POU2F1: variants seen among roughly 807,000 people sequenced by gnomAD.
POU2F1 encodes POU domain, class 2, transcription factor 1.
A neutral mutation model predicts 84.9 loss-of-function variants in POU2F1; 16 were observed. That is an observed-to-expected ratio of 0.19 (90% CI 0.13 to 0.29). POU2F1 has a LOEUF of 0.29. Among genes scored for constraint, POU2F1 ranks in the 10% least tolerant of loss-of-function variants. The pLI is 1.00. For synonymous variants in POU2F1, 368 were observed against 368.3 expected (o/e 1.00, Z 0.01); for missense variants, 738 against 942.6 (o/e 0.78, Z 2.84).
chr1:167,311,507 T>C (rs1004096208), intron 1 of POU2F1, among the ~76,000 whole-genome samples: 8 of 152,170 alleles, frequency 5.3e-5, no homozygotes, highest in African/African-American at 1.9e-4. Context: ...TCATGTTCCA[T>C]ATAACAATGT....
At chr1:167,346,854 CTTTCTGTGGTTTTG>C (rs1658236863) in intron 2 of POU2F1, among the ~76,000 whole-genome samples, 1 of 152,192 alleles carries the variant, frequency 6.6e-6, no homozygotes, top group Non-Finnish European at 1.5e-5. Flanking sequence ...GGCTTAGAAT[CTTTCTGTGGTTTTG>C]TTTCTGTGAT....
chr1:167,336,528 C>A (rs1017193625), intron 2 of POU2F1, among the ~76,000 whole-genome samples: 1 of 152,020 alleles, frequency 6.6e-6, no homozygotes, highest in African/African-American at 2.4e-5. Context: ...AGAGGCAAGT[C>A]ATAATGTTAT....
chr1:167,340,322 C>T lies in POU2F1; in HGVS notation c.127+7787C>T, dbSNP rs373382695. On this transcript the variant is annotated intron_variant, in intron 2 of 15. Coordinates refer to ENST00000367866, the MANE Select transcript of POU2F1 (RefSeq NM_002697.4). ...CTCGAACTCCTGACCTCAGGTGATCCGCCCACCTTGGCTTCCCAAAGTGCT... is the reference window on the plus strand; with the variant it reads ...CTCGAACTCCTGACCTCAGGTGATCTGCCCACCTTGGCTTCCCAAAGTGCT... Among the ~76,000 whole-genome samples, 123 of 152,192 alleles carry T rather than the reference C, an allele frequency of 8.1e-4. 2 individuals carry two copies. The South Asian group carries it at 0.024, about 29-fold the overall frequency.
intron 1 of POU2F1, among the ~76,000 whole-genome samples, chr1:167,330,109 C>T (rs1656984509): frequency 6.6e-6 from 1 of 152,088 alleles, no homozygotes; most frequent in Non-Finnish European, 1.5e-5. Context: ...GGAGTTATGT[C>T]TGTTTATATG....
At chr1:167,272,140 G>A (rs559886267) in intron 1 of POU2F1, among the ~76,000 whole-genome samples, 3 of 152,268 alleles carry the variant, frequency 2.0e-5, no homozygotes, top group East Asian at 3.9e-4. Context: ...AAGAATGTCC[G>A]CAGTATGTTA....
chr1:167,228,796 T>G (rs1053219370), intron 1 of POU2F1, among the ~76,000 whole-genome samples: 2 of 152,228 alleles, frequency 1.3e-5, no homozygotes, highest in Non-Finnish European at 2.9e-5. Flanking sequence ...CCACCTTACA[T>G]CCTTTCTGGA....
intron 15 of POU2F1, 38 bp downstream of exon 15, chr1:167,413,152 CGTGT>C: frequency 2.0e-6 from 3 of 1,464,290 alleles, no homozygotes; most frequent in East Asian, 2.4e-5. Flanking sequence ...GTGGCATGCA[CGTGT>C]GTGTGAGTGT....
At position 167,383,854 on chromosome 1, in the gene POU2F1, C is replaced by A; in HGVS notation, c.719-3C>A. On this transcript the variant is annotated splice_region_variant and splice_polypyrimidine_tract_variant and intron_variant, in intron 7 of 15. Transcript: ENST00000367866. ...TTCTGGATAACATGTTTTTCTTCTA[C>A]AGGTCTCCTGCAAGCGCAAAATCTT... 6.2e-7 allele frequency: 1 copy of A among 1,610,280 alleles called. No individual in the cohort carries two copies. The highest frequency in any genetic ancestry group is 8.5e-7 in the Non-Finnish European group (1 of 1,177,582).
intron 7 of POU2F1, among the ~76,000 whole-genome samples, chr1:167,381,932 T>C (rs1008904187): frequency 9.2e-5 from 14 of 151,966 alleles, no homozygotes; most frequent in African/African-American, 3.4e-4. Context: ...ATTATTGTTT[T>C]TGAATATTCT....
chr1:167,301,479 A>C (rs1028703), intron 1 of POU2F1, among the ~76,000 whole-genome samples: 7,256 of 152,304 alleles, frequency 0.048, 242 homozygotes, highest in African/African-American at 0.093. Context: ...TTTTAAAACC[A>C]ATCTGAAGCC....
intron 2 of POU2F1, among the ~76,000 whole-genome samples, chr1:167,359,402 T>C (rs1292079501): frequency 2.0e-5 from 3 of 152,148 alleles, no homozygotes; most frequent in Non-Finnish European, 2.9e-5. Flanking sequence ...TTGTGTCTTA[T>C]GTGTTTAACT....
intron 1 of POU2F1, among the ~76,000 whole-genome samples, chr1:167,231,578 A>G (rs923242210): frequency 6.6e-6 from 1 of 152,232 alleles, no homozygotes; most frequent in Non-Finnish European, 1.5e-5. Flanking sequence ...AATTCAACAA[A>G]TATTTATAGA....
intron 2 of POU2F1, among the ~76,000 whole-genome samples, chr1:167,359,846 GTTTGT>G (rs1206280526): frequency 3.9e-5 from 4 of 102,846 alleles, no homozygotes; most frequent in South Asian, 4.0e-4. Flanking sequence ...ACATTTGTGG[GTTTGT>G]TTTTTTTTTT....
intron 13 of POU2F1, among the ~76,000 whole-genome samples, chr1:167,404,935 AG>A (rs1200627733): frequency 6.6e-6 from 1 of 152,234 alleles, no homozygotes; most frequent in Non-Finnish European, 1.5e-5. Context: ...TATTTGGAAT[AG>A]GATTTTAGAA....
At chr1:167,235,885 C>T (rs1478797555) in intron 1 of POU2F1, among the ~76,000 whole-genome samples, 3 of 152,160 alleles carry the variant, frequency 2.0e-5, no homozygotes, top group African/African-American at 7.2e-5. Flanking sequence ...GGAGGCTAGT[C>T]CAAAATAGTA....
At chr1:167,398,271 G>A in intron 11 of POU2F1, 138 bp downstream of exon 11, 1 of 1,058,518 alleles carries the variant, frequency 9.4e-7, no homozygotes, top group Admixed American at 2.8e-5. Flanking sequence ...GGTGAAGTAA[G>A]TAAGTTACTA....
chr1:167,364,105 C>G (rs1192830119), intron 2 of POU2F1, among the ~76,000 whole-genome samples: 2 of 152,178 alleles, frequency 1.3e-5, no homozygotes, highest in African/African-American at 4.8e-5. Flanking sequence ...ACATAATGTT[C>G]TGGCTTTTTA....
chr1:167,331,401 A>C (rs36113415), intron 1 of POU2F1, among the ~76,000 whole-genome samples: 19,179 of 152,060 alleles, frequency 0.13, 2,452 homozygotes, highest in African/African-American at 0.33. Flanking sequence ...AAGCAGATGA[A>C]AAAATGTGCT....
chr1:167,261,934 C>T lies in POU2F1; in HGVS notation c.61+40976C>T, dbSNP rs540263537. On this transcript the variant is annotated intron_variant, in intron 1 of 15. Coordinates refer to ENST00000367866, the MANE Select transcript of POU2F1 (RefSeq NM_002697.4). ...TCCTGACTTCAAGTGATCCGCCTGC[C>T]TCAGCCTCCCAAAGTGCTGGGATTA... 7.9e-5 allele frequency among the ~76,000 whole-genome samples: 12 copies of T among 152,348 alleles called. No individual in the cohort carries two copies. The East Asian group carries it at 2.3e-3, about 29-fold the overall frequency.
Sources: gnomAD v4.1 joint callset for allele counts (sites outside exome capture counted in the v4.1 genomes callset) on GRCh38, gnomAD v4.1.1 for gene constraint, MANE v1.5 for transcripts, NCBI Gene and HGNC (gene_info 2026-07-23, HGNC 2026-07-21) for gene names.